OPCML: variants seen among roughly 807,000 people sequenced by gnomAD.
OPCML encodes the protein opioid binding protein/cell adhesion molecule like.
Under a neutral mutation model 37.8 loss-of-function variants are expected in OPCML, and 13 were observed. The ratio of observed to expected loss-of-function variants is 0.34; its 90% CI spans 0.22 to 0.55. The LOEUF (loss-of-function observed/expected upper bound fraction) is 0.55, where lower values mean the gene tolerates loss of function less well. Among genes scored for constraint, OPCML ranks in the 20% least tolerant of loss-of-function variants. The pLI is 0.91. For synonymous variants in OPCML, 176 were observed against 168.8 expected, an observed-to-expected ratio of 1.04 and a Z score of -0.33; for missense variants, 341 against 435.6, an observed-to-expected ratio of 0.78 and a Z score of 1.93.
Position 132,516,942 on chromosome 11 carries a change from C to T in OPCML, c.505+12119G>A, listed in dbSNP as rs1260625817. Among the ~76,000 whole-genome samples the T allele has an allele frequency of 3.3e-5, 5 of 152,260 alleles. No individual in the cohort carries two copies. In the East Asian group the frequency reaches 9.7e-4, roughly 29 times the overall value. On this transcript the variant is annotated intron_variant, in intron 4 of 7. Transcript: ENST00000524381. ...CCACCCAGAGTTCTAAATCCAGCCA[C>T]AAGTTCTTCAACCCATGGTGGAGAC...
chr11:133,156,401 T>C (rs918535972), intron 1 of OPCML, among the ~76,000 whole-genome samples: 1 of 152,184 alleles, frequency 6.6e-6, no homozygotes, highest in African/African-American at 2.4e-5. Context: ...CCACTGTCTG[T>C]GGGGAGGGCG....
chr11:133,204,461 C>A (rs1480786435), intron 1 of OPCML, among the ~76,000 whole-genome samples: 1 of 152,106 alleles, frequency 6.6e-6, no homozygotes, highest in African/African-American at 2.4e-5. Flanking sequence ...ATCTGGGCAC[C>A]AGTGAGAATA....
intron 1 of OPCML, among the ~76,000 whole-genome samples, chr11:133,051,579 G>C (rs776975002): frequency 6.6e-6 from 1 of 152,010 alleles, no homozygotes; most frequent in Non-Finnish European, 1.5e-5. Flanking sequence ...CCCACTCCTC[G>C]GTTCACACAT....
chr11:132,538,242 A>T (rs2096346156), intron 3 of OPCML, among the ~76,000 whole-genome samples: 1 of 152,262 alleles, frequency 6.6e-6, no homozygotes, highest in Admixed American at 6.5e-5. Flanking sequence ...AAAGAAACAA[A>T]GTACTGATAT....
intron 1 of OPCML, among the ~76,000 whole-genome samples, chr11:133,063,349 T>A (rs954804880): frequency 6.6e-6 from 1 of 152,046 alleles, no homozygotes; most frequent in African/African-American, 2.4e-5. Context: ...CAGCCTCCCA[T>A]GGGGTCAGAA....
chr11:133,038,352 C>G (rs765829845), intron 1 of OPCML, among the ~76,000 whole-genome samples: 3 of 152,218 alleles, frequency 2.0e-5, no homozygotes, highest in Non-Finnish European at 2.9e-5. Flanking sequence ...TCCTGTAGAA[C>G]ATCTTTAGGC....
intron 1 of OPCML, among the ~76,000 whole-genome samples, chr11:133,266,589 G>A (rs970823213): frequency 1.1e-4 from 17 of 152,226 alleles, no homozygotes; most frequent in African/African-American, 4.1e-4. Flanking sequence ...GTTACTCATC[G>A]GGACTTAGAA....
At chr11:132,919,348 C>T (rs1018292664) in intron 2 of OPCML, among the ~76,000 whole-genome samples, 7 of 152,142 alleles carry the variant, frequency 4.6e-5, no homozygotes, top group African/African-American at 9.7e-5. Context: ...GTGCAGACAT[C>T]CACCCAGACC....
intron 2 of OPCML, among the ~76,000 whole-genome samples, chr11:132,669,746 G>A (rs771265167): frequency 7.2e-5 from 11 of 152,172 alleles, no homozygotes; most frequent in African/African-American, 9.7e-5. Context: ...TTTGAGGCAA[G>A]AATGATAAAA....
intron 4 of OPCML, among the ~76,000 whole-genome samples, chr11:132,438,941 G>A (rs1397308163): frequency 6.6e-6 from 1 of 152,058 alleles, no homozygotes; most frequent in African/African-American, 2.4e-5. Context: ...TCCTACCCCA[G>A]GTCATGCCCA....
chr11:133,208,666 T>A lies in OPCML; in HGVS notation c.62-265656A>T, dbSNP rs1487966457. Among the ~76,000 whole-genome samples the A allele has an allele frequency of 6.6e-6, 1 of 152,200 alleles. No individual in the cohort carries two copies. The highest frequency in any genetic ancestry group is 1.5e-5 in the Non-Finnish European group (1 of 68,048). On this transcript the variant is annotated intron_variant, in intron 1 of 7. Coordinates refer to ENST00000524381, the MANE Select transcript of OPCML (RefSeq NM_001012393.5). This position sits in a 1 kb window ranked among gnomAD's most constrained non-coding sequence, Gnocchi z 8.9. ...TGTCTGCTGTTAAGCTTCATGCACCTTCTCATGTCCATTTACTGAAGGAAT... is the reference window on the plus strand; with the variant it reads ...TGTCTGCTGTTAAGCTTCATGCACCATCTCATGTCCATTTACTGAAGGAAT...
chr11:132,956,247 G>A (rs552050529), intron 1 of OPCML, among the ~76,000 whole-genome samples: 7 of 152,208 alleles, frequency 4.6e-5, no homozygotes, highest in Non-Finnish European at 1.0e-4. Flanking sequence ...AGTTAATCAC[G>A]GTGGAAAAGC....
At chr11:132,537,380 C>G (rs1293992669) in intron 3 of OPCML, among the ~76,000 whole-genome samples, 1 of 152,106 alleles carries the variant, frequency 6.6e-6, no homozygotes, top group East Asian at 1.9e-4. Flanking sequence ...GTGGCTATCC[C>G]CTTGCAAGAC....
chr11:133,342,804 G>A lies in OPCML; in HGVS notation c.61+189460C>T, dbSNP rs536657779. ...GGGACATAGAGGGAGCAAGAACCTG[G>A]AGCTAAATTTGGTCTGGAGCAGACT... On this transcript the variant is annotated intron_variant, in intron 1 of 7. Transcript: ENST00000524381. 7.2e-5 allele frequency among the ~76,000 whole-genome samples: 11 copies of A among 152,224 alleles called. No homozygotes were observed. The East Asian group carries it at 2.1e-3, about 29-fold the overall frequency.
chr11:132,592,562 G>T (rs1367914239), intron 3 of OPCML, among the ~76,000 whole-genome samples: 1 of 152,174 alleles, frequency 6.6e-6, no homozygotes, highest in African/African-American at 2.4e-5. Context: ...TACCTTGTTG[G>T]GTGGGTGACG....
At chr11:133,234,114 G>C (rs1456194944) in intron 1 of OPCML, among the ~76,000 whole-genome samples, 1 of 152,108 alleles carries the variant, frequency 6.6e-6, no homozygotes, top group Non-Finnish European at 1.5e-5. Context: ...TAAAGAGAGG[G>C]ATTAGAATAG....
At chr11:133,470,584 CCAG>C (rs1947084393) in intron 1 of OPCML, among the ~76,000 whole-genome samples, 1 of 152,172 alleles carries the variant, frequency 6.6e-6, no homozygotes, top group Non-Finnish European at 1.5e-5. Flanking sequence ...GCCACCCTGA[CCAG>C]TGGTAGGATT....
intron 1 of OPCML, among the ~76,000 whole-genome samples, chr11:133,154,648 C>T (rs375200052): frequency 6.6e-6 from 1 of 151,830 alleles, no homozygotes; most frequent in Non-Finnish European, 1.5e-5. Context: ...ATTAGGAAAA[C>T]AATTCAAGCC....
intron 2 of OPCML, among the ~76,000 whole-genome samples, chr11:132,879,005 C>T (rs931595477): frequency 2.0e-5 from 3 of 152,156 alleles, no homozygotes; most frequent in African/African-American, 7.2e-5. Flanking sequence ...GAAATCATTG[C>T]TTAATATAGA....
Sources: allele counts gnomAD v4.1 joint callset (sites outside exome capture counted in the v4.1 genomes callset), GRCh38; gene constraint gnomAD v4.1.1; non-coding constraint Gnocchi (gnomAD v3.1); transcripts MANE v1.5; gene names NCBI Gene and HGNC (gene_info 2026-07-23, HGNC 2026-07-21).